PSD3: variants seen among roughly 807,000 people sequenced by gnomAD.
PSD3 encodes PH and SEC7 domain-containing protein 3.
PSD3 carries 49 observed loss-of-function variants against 105.5 expected under a neutral mutation model. That is an observed-to-expected ratio of 0.46 (90% CI 0.37 to 0.59). The LOEUF is 0.59. Among genes scored for constraint, PSD3 ranks in the 20% least tolerant of loss-of-function variants. PSD3 has a pLI of 0.00. For missense variants in PSD3, 1,561 were observed against 1,263.8 expected, an observed-to-expected ratio of 1.24 and a Z score of -3.57; for synonymous variants, 557 against 457.8, an observed-to-expected ratio of 1.22 and a Z score of -2.77.
At chr8:18,676,536 T>C (rs1448724874) in intron 9 of PSD3, among the ~76,000 whole-genome samples, 1 of 152,178 alleles carries the variant, frequency 6.6e-6, no homozygotes, top group African/African-American at 2.4e-5. Flanking sequence ...AAACTGGCCT[T>C]AGGAGATTTA....
chr8:18,874,935 A>C (rs766772580), intron 2 of PSD3, among the ~76,000 whole-genome samples: 35 of 152,138 alleles, frequency 2.3e-4, no homozygotes, highest in Non-Finnish European at 1.6e-4. Context: ...TCTTTTTTAA[A>C]GACAGGATCT....
chr8:18,751,015 T>C (rs1805439835), intron 9 of PSD3, among the ~76,000 whole-genome samples: 1 of 152,168 alleles, frequency 6.6e-6, no homozygotes, highest in Non-Finnish European at 1.5e-5. Context: ...CAGGTGGAGC[T>C]GCCTGCCAGT....
intron 11 of PSD3, among the ~76,000 whole-genome samples, chr8:18,623,206 T>G (rs542608207): frequency 3.1e-4 from 46 of 147,270 alleles, no homozygotes; most frequent in African/African-American, 1.2e-3. Context: ...TCGCTACGGA[T>G]TTTTGTTTAC....
At chr8:19,026,623 G>A (rs1827558214) in intron 1 of PSD3, among the ~76,000 whole-genome samples, 1 of 150,908 alleles carries the variant, frequency 6.6e-6, no homozygotes, top group African/African-American at 2.4e-5. Context: ...CCAGCACTCT[G>A]GGAGGCTGAG....
chr8:18,608,761 G>T (rs1022820319), intron 11 of PSD3, among the ~76,000 whole-genome samples: 3 of 152,074 alleles, frequency 2.0e-5, no homozygotes, highest in Admixed American at 1.3e-4. Flanking sequence ...ATGGATTTAT[G>T]CCAGAAAAGT....
At chr8:18,557,072 C>T (rs1328010526) in intron 14 of PSD3, among the ~76,000 whole-genome samples, 1 of 152,168 alleles carries the variant, frequency 6.6e-6, no homozygotes, top group Admixed American at 6.5e-5. Flanking sequence ...TCTAAGGGTA[C>T]CATTTATATC....
intron 4 of PSD3, among the ~76,000 whole-genome samples, chr8:18,835,790 G>A (rs1213541626): frequency 6.6e-6 from 1 of 152,202 alleles, no homozygotes; most frequent in Non-Finnish European, 1.5e-5. Context: ...GGCGTGCTCA[G>A]AAATGGCCAA....
At chr8:18,614,824 C>A (rs766062183) in intron 11 of PSD3, among the ~76,000 whole-genome samples, 1 of 150,102 alleles carries the variant, frequency 6.7e-6, no homozygotes, top group Non-Finnish European at 1.5e-5. Flanking sequence ...TTCATAGACA[C>A]GGGGTCTTGC....
intron 1 of PSD3, among the ~76,000 whole-genome samples, chr8:19,076,787 C>T (rs183580727): frequency 6.6e-6 from 1 of 152,238 alleles, no homozygotes; most frequent in East Asian, 1.9e-4. Context: ...TCCTCCCTCC[C>T]TTCCTTCTCT....
At position 18,681,081 on chromosome 8, in the gene PSD3, A is replaced by C. The variant is rs190521546; in HGVS notation, c.2173-25396T>G. ...CAAAACATGTAATTCCAACTCTGAC[A>C]AGGAGAAGCAATTATTACACCTATT... On this transcript the variant is annotated intron_variant, in intron 9 of 15. Coordinates refer to ENST00000327040, the MANE Select transcript of PSD3 (RefSeq NM_015310.4). Among the ~76,000 whole-genome samples the C allele has an allele frequency of 1.1e-3, 168 of 152,348 alleles. 1 individual carries two copies. The East Asian group carries it at 0.012, about 10-fold the overall frequency.
At chr8:18,652,518 G>C (rs1247228403) in intron 10 of PSD3, among the ~76,000 whole-genome samples, 1 of 54,898 alleles carries the variant, frequency 1.8e-5, no homozygotes, top group East Asian at 5.2e-4. Context: ...TTTTTTTTGA[G>C]ACCAAGTCTC....
In PSD3 at chr8:18,527,685, A is replaced by C. The variant is rs1243773778; in HGVS notation, c.*8058T>G. On this transcript the variant is annotated 3_prime_UTR_variant, in exon 16 of 16. Coordinates refer to ENST00000327040, the MANE Select transcript of PSD3 (RefSeq NM_015310.4). The stretch of plus-strand genomic sequence containing the variant: ...GTCAAAATATTCTTTAAACACTTTA[A>C]CAATATCCACACAAATTACTGTTCC... 2.6e-5 allele frequency: 4 copies of C among 152,648 alleles called. No homozygotes were observed. Among genetic ancestry groups the C allele is most frequent in the Non-Finnish European group, 5.9e-5 (4 of 68,036 alleles). The allele number at this position is 152,648 out of a possible 1,614,324, so 9.5% of individuals were successfully genotyped here.
At position 18,879,051 on chromosome 8, in the gene PSD3, A is replaced by AACACACACAC. The variant is rs59598569; in HGVS notation, c.131-6328_131-6319dup. Among the ~76,000 whole-genome samples the AACACACACAC allele has an allele frequency of 8.2e-3, 1,134 of 138,640 alleles. 8 individuals are homozygous for AACACACACAC. The highest frequency in any genetic ancestry group is 0.02 in the South Asian group (84 of 4,146). The allele number at this position is 138,640 out of a possible 152,430, so 91.0% of individuals were successfully genotyped here. ...ACAAACAAACAAACACACACACACA[A>AACACACACAC]ACACACACACACACACACACACACA... On this transcript the variant is annotated intron_variant, in intron 2 of 15. Coordinates refer to ENST00000327040, the MANE Select transcript of PSD3 (RefSeq NM_015310.4).
In PSD3 at chr8:18,757,401, T is replaced by C. The variant is rs552984897; in HGVS notation, c.2172+8048A>G. 6.5e-4 allele frequency among the ~76,000 whole-genome samples: 99 copies of C among 152,042 alleles called. 1 individual carries two copies. In the South Asian group the frequency reaches 0.019, roughly 30 times the overall value. On this transcript the variant is annotated intron_variant, in intron 9 of 15. Transcript: ENST00000327040. ...ATCACTTGAACCCAGGAGGCGGAGG[T>C]TGCAGTGAGCAGAGATCATGCCACT...
intron 4 of PSD3, among the ~76,000 whole-genome samples, chr8:18,845,163 TTAC>T (rs1814983884): frequency 6.6e-6 from 1 of 152,232 alleles, no homozygotes; most frequent in Non-Finnish European, 1.5e-5. Context: ...GAATATTTCA[TTAC>T]TACCATTCTG....
intron 4 of PSD3, among the ~76,000 whole-genome samples, chr8:18,849,061 C>T (rs547450632): frequency 2.0e-4 from 31 of 152,320 alleles, no homozygotes; most frequent in African/African-American, 7.5e-4. Flanking sequence ...TTATCTTCTA[C>T]ACCTGTTGGC....
At chr8:18,635,604 A>G (rs2130780301) in intron 10 of PSD3, among the ~76,000 whole-genome samples, 1 of 152,260 alleles carries the variant, frequency 6.6e-6, no homozygotes, top group Middle Eastern at 3.4e-3. Context: ...GCTTTGCACT[A>G]TTTACAACAC....
chr8:18,845,348 G>C (rs573954058), intron 4 of PSD3, among the ~76,000 whole-genome samples: 11 of 152,272 alleles, frequency 7.2e-5, no homozygotes, highest in African/African-American at 2.6e-4. Context: ...GGGTCCCCTA[G>C]GCCTTTGGCG....
At chr8:18,815,000 G>A (rs987346918) in intron 4 of PSD3, among the ~76,000 whole-genome samples, 2 of 152,108 alleles carry the variant, frequency 1.3e-5, no homozygotes, top group African/African-American at 2.4e-5. Context: ...TTAAAGAGCT[G>A]GGTACCCACA....
Sources: gnomAD v4.1 joint callset for allele counts (sites outside exome capture counted in the v4.1 genomes callset) on GRCh38, gnomAD v4.1.1 for gene constraint, MANE v1.5 for transcripts, NCBI Gene and HGNC (gene_info 2026-07-23, HGNC 2026-07-21) for gene names.